Variants in EPHB1 observed in about 807,000 individuals in gnomAD.
EPHB1 encodes EPH receptor B1.
A neutral mutation model predicts 94.4 loss-of-function variants in EPHB1; 30 were observed. That is an observed-to-expected ratio of 0.32 (90% CI 0.24 to 0.43). The LOEUF (loss-of-function observed/expected upper bound fraction) is 0.43, where lower values mean the gene tolerates loss of function less well. EPHB1 is among the 20% of genes least tolerant of loss of function. EPHB1 has a pLI of 1.00. For missense variants in EPHB1, 1,055 were observed against 1,308.3 expected (o/e 0.81, Z 2.99); for synonymous variants, 522 against 489.1 (o/e 1.07, Z -0.89).
chr3:134,923,314 CA>C (rs1458021078), intron 1 of EPHB1, among the ~76,000 whole-genome samples: 1 of 152,154 alleles, frequency 6.6e-6, no homozygotes, highest in Non-Finnish European at 1.5e-5. Context: ...ATCTGGGTTA[CA>C]GGTAGGCCCA....
At chr3:134,990,646 G>A (rs936621994) in intron 3 of EPHB1, among the ~76,000 whole-genome samples, 7 of 152,088 alleles carry the variant, frequency 4.6e-5, no homozygotes, top group Non-Finnish European at 8.8e-5. Context: ...GGGATACTGG[G>A]GATCTAAGTC....
intron 2 of EPHB1, among the ~76,000 whole-genome samples, chr3:134,934,516 A>G (rs2038963459): frequency 6.6e-6 from 1 of 152,182 alleles, no homozygotes; most frequent in Admixed American, 6.5e-5. Flanking sequence ...GCCTGGCTCC[A>G]TTGCTTGTGG....
chr3:135,084,567 C>T (rs146882176), intron 3 of EPHB1, among the ~76,000 whole-genome samples: 30 of 152,212 alleles, frequency 2.0e-4, no homozygotes, highest in African/African-American at 6.7e-4. Context: ...AATGGCAGAT[C>T]GATGCATCTA....
chr3:135,101,491 A>T (rs1939035065), intron 3 of EPHB1, among the ~76,000 whole-genome samples: 1 of 151,962 alleles, frequency 6.6e-6, no homozygotes, highest in African/African-American at 2.4e-5. Flanking sequence ...CTCCTGCCTC[A>T]GCATCCTGAG....
At chr3:134,840,926 C>T (rs1429714680) in intron 1 of EPHB1, among the ~76,000 whole-genome samples, 2 of 152,196 alleles carry the variant, frequency 1.3e-5, no homozygotes, top group South Asian at 2.1e-4. Context: ...ATTGGCTCAT[C>T]GCTGTTAACA....
At chr3:134,798,935 C>G (rs376834481) in intron 1 of EPHB1, among the ~76,000 whole-genome samples, 3 of 152,188 alleles carry the variant, frequency 2.0e-5, no homozygotes, top group Non-Finnish European at 4.4e-5. Flanking sequence ...CCTCAGAGTG[C>G]GGCACACTGG....
intron 3 of EPHB1, among the ~76,000 whole-genome samples, chr3:135,083,933 G>A (rs929562378): frequency 3.3e-5 from 5 of 152,114 alleles, no homozygotes; most frequent in Non-Finnish European, 5.9e-5. Context: ...CTTCCCAGGA[G>A]CAGGTGATGA....
chr3:135,149,242 T>A (rs941591822), intron 5 of EPHB1, among the ~76,000 whole-genome samples: 3 of 152,274 alleles, frequency 2.0e-5, no homozygotes, highest in African/African-American at 7.2e-5. Context: ...GTGAACTCTT[T>A]ATTTTCATTT....
intron 1 of EPHB1, among the ~76,000 whole-genome samples, chr3:134,872,541 A>G (rs951946377): frequency 8.5e-5 from 13 of 152,250 alleles, no homozygotes; most frequent in Non-Finnish European, 1.8e-4. Flanking sequence ...CACATTACAC[A>G]TCACAGATTT....
intron 3 of EPHB1, among the ~76,000 whole-genome samples, chr3:134,967,808 C>T (rs79849834): frequency 0.016 from 2,212 of 135,350 alleles, 35 homozygotes; most frequent in African/African-American, 0.047. Context: ...TCACTGGTGA[C>T]TTTTTAAGGT....
At chr3:135,151,058 C>T (rs149171830) in intron 5 of EPHB1, among the ~76,000 whole-genome samples, 3 of 152,314 alleles carry the variant, frequency 2.0e-5, no homozygotes, top group African/African-American at 7.2e-5. Flanking sequence ...CAGAATCTGC[C>T]TACTGTGCTG....
At chr3:134,920,412 T>A (rs2038660025) in intron 1 of EPHB1, among the ~76,000 whole-genome samples, 1 of 152,188 alleles carries the variant, frequency 6.6e-6, no homozygotes, top group African/African-American at 2.4e-5. Context: ...TAAAGAGTTC[T>A]GTGGGCTGTG....
At chr3:135,220,892 G>C (rs1242066651) in intron 12 of EPHB1, among the ~76,000 whole-genome samples, 1 of 152,194 alleles carries the variant, frequency 6.6e-6, no homozygotes, top group Non-Finnish European at 1.5e-5. Flanking sequence ...TTTTCATACT[G>C]TCTCTTAGAG....
At chr3:134,846,808 T>A (rs1400427913) in intron 1 of EPHB1, among the ~76,000 whole-genome samples, 1 of 152,134 alleles carries the variant, frequency 6.6e-6, no homozygotes. Flanking sequence ...CGGAAACCTC[T>A]GGGTATTTAC....
chr3:134,991,893 G>A (rs537745587), intron 3 of EPHB1, among the ~76,000 whole-genome samples: 2 of 152,110 alleles, frequency 1.3e-5, no homozygotes, highest in East Asian at 3.9e-4. Flanking sequence ...TGCTCCCCAT[G>A]GTAAGTATTT....
intron 1 of EPHB1, among the ~76,000 whole-genome samples, chr3:134,919,551 G>A (rs551455797): frequency 9.2e-5 from 14 of 152,310 alleles, no homozygotes; most frequent in South Asian, 8.3e-4. Context: ...TGAAGTTGGC[G>A]CTTAAACACC....
intron 10 of EPHB1, among the ~76,000 whole-genome samples, chr3:135,189,493 ATTGAAATGC>A (rs1942406553): frequency 6.6e-6 from 1 of 152,212 alleles, no homozygotes; most frequent in South Asian, 2.1e-4. Context: ...CTGTTACAGT[ATTGAAATGC>A]TCAATAGTTT....
intron 11 of EPHB1, among the ~76,000 whole-genome samples, chr3:135,196,605 A>G (rs150214872): frequency 6.6e-6 from 1 of 152,274 alleles, no homozygotes; most frequent in African/African-American, 2.4e-5. Context: ...ATCGAAAAAT[A>G]GGTCATCAGT....
chr3:135,036,767 C>G (rs1286946035), intron 3 of EPHB1, among the ~76,000 whole-genome samples: 1 of 152,176 alleles, frequency 6.6e-6, no homozygotes, highest in Non-Finnish European at 1.5e-5. Flanking sequence ...GGTCCACAGG[C>G]AGCTAGGTCA....
Sources: allele counts gnomAD v4.1 joint callset (sites outside exome capture counted in the v4.1 genomes callset), GRCh38; gene constraint gnomAD v4.1.1; transcripts MANE v1.5; gene names NCBI Gene and HGNC (gene_info 2026-07-23, HGNC 2026-07-21).